Variants in TAB2 observed in about 807,000 individuals in gnomAD.
TAB2 encodes the protein TGF-beta activated kinase 1 (MAP3K7) binding protein 2.
In TAB2, 3 loss-of-function variants were observed where a neutral mutation model predicts 65.0. The ratio of observed to expected loss-of-function variants is 0.05; its 90% CI spans 0.02 to 0.12. The LOEUF (loss-of-function observed/expected upper bound fraction) is 0.12. Ranked by LOEUF, TAB2 falls within the 10% of genes least tolerant of loss-of-function variation. TAB2 has a pLI of 1.00. For missense variants in TAB2, 623 were observed against 840.3 expected (o/e 0.74, Z 3.20); for synonymous variants, 298 against 285.1 (o/e 1.05, Z -0.46).
intron 1 of TAB2, among the ~76,000 whole-genome samples, chr6:149,224,114 A>G (rs1777216426): frequency 6.6e-6 from 1 of 152,212 alleles, no homozygotes; most frequent in South Asian, 2.1e-4. Context: ...CCAAAGTTCA[A>G]TATGCCTGGA....
At chr6:149,381,569 C>CT (rs557951574) in intron 3 of TAB2, among the ~76,000 whole-genome samples, 23,922 of 95,600 alleles carry the variant, frequency 0.25, 2,304 homozygotes, top group South Asian at 0.3. Flanking sequence ...CCCTCCTATT[C>CT]TTTTTTTTTT....
chr6:149,370,192 G>T, intron 2 of TAB2, 93 bp downstream of exon 2: 1 of 1,117,192 alleles, frequency 9.0e-7, no homozygotes, highest in Non-Finnish European at 1.3e-6. Flanking sequence ...CTTCTTGTTG[G>T]TGTTAGTGTA....
intron 2 of TAB2, among the ~76,000 whole-genome samples, chr6:149,371,178 A>G (rs1182666682): frequency 6.6e-6 from 1 of 151,576 alleles, no homozygotes; most frequent in Non-Finnish European, 1.5e-5. Flanking sequence ...TCTGTAATTT[A>G]TAATAATGAC....
At chr6:149,374,979 C>G (rs1386795926) in intron 2 of TAB2, among the ~76,000 whole-genome samples, 1 of 152,130 alleles carries the variant, frequency 6.6e-6, no homozygotes, top group Non-Finnish European at 1.5e-5. Flanking sequence ...TATTTAGATC[C>G]TGATTTAAAC....
chr6:149,403,293 CACATAT>C (rs1223506688), intron 6 of TAB2, among the ~76,000 whole-genome samples: 7 of 61,852 alleles, frequency 1.1e-4, no homozygotes, highest in African/African-American at 5.9e-4. Context: ...TACACACACA[CACATAT>C]ATATATATAT....
intron 1 of TAB2, among the ~76,000 whole-genome samples, chr6:149,323,278 G>A (rs925995283): frequency 1.3e-5 from 2 of 152,128 alleles, no homozygotes; most frequent in African/African-American, 4.8e-5. Context: ...AAATTGAGAG[G>A]AAGAAATCAA....
chr6:149,286,377 G>A (rs9498286), intron 1 of TAB2, among the ~76,000 whole-genome samples: 30,480 of 152,102 alleles, frequency 0.2, 3,269 homozygotes, highest in East Asian at 0.43. Flanking sequence ...CTAGGTTACT[G>A]GTAATACTTG....
rs1042945769 is a variant in TAB2 at position 149,311,557 on chromosome 6, A to G, written c.-120-66461A>G. On this transcript the variant is annotated intron_variant, in intron 1 of 1. Transcript: ENST00000606202. ...CTATTCAAAGCCCCACTGTTCATTT[A>G]CTAGTTGTTTTAGATTATGTAAGTC... 2.6e-5 allele frequency among the ~76,000 whole-genome samples: 4 copies of G among 152,334 alleles called. No homozygotes were observed. In the East Asian group the frequency reaches 5.8e-4, roughly 22 times the overall value.
chr6:149,296,717 T>A (rs902112418), intron 1 of TAB2, among the ~76,000 whole-genome samples: 1 of 152,180 alleles, frequency 6.6e-6, no homozygotes, highest in Non-Finnish European at 1.5e-5. Context: ...AGGACTTCTT[T>A]CATTAAATTC....
intron 1 of TAB2, among the ~76,000 whole-genome samples, chr6:149,275,242 A>AAGAG (rs1778441750): frequency 8.1e-5 from 7 of 86,192 alleles, no homozygotes; most frequent in East Asian, 3.3e-4. Flanking sequence ...GAGAGAAAGA[A>AAGAG]AGAAAGAAAG....
chr6:149,341,219 C>G (rs1337451402), intron 1 of TAB2, among the ~76,000 whole-genome samples: 5 of 151,990 alleles, frequency 3.3e-5, no homozygotes, highest in Non-Finnish European at 7.4e-5. Context: ...TTTTTATATC[C>G]TAAATATAAA....
At chr6:149,316,744 A>T (rs987770912), upstream of TAB2, among the ~76,000 whole-genome samples, 3 of 152,182 alleles carry the variant, frequency 2.0e-5, no homozygotes, top group Admixed American at 6.5e-5. Flanking sequence ...ACTTCTAGGA[A>T]CGTGCAATTA....
intron 1 of TAB2, among the ~76,000 whole-genome samples, chr6:149,329,418 T>C (rs952935069): frequency 7.2e-5 from 11 of 152,222 alleles, no homozygotes; most frequent in Admixed American, 3.9e-4. Flanking sequence ...TGTTCACCAT[T>C]ACAGAACAGA....
intron 1 of TAB2, among the ~76,000 whole-genome samples, chr6:149,254,140 GAAAGGAAAGA>G (rs1269133994): frequency 1.3e-5 from 2 of 150,164 alleles, no homozygotes; most frequent in African/African-American, 4.9e-5. Flanking sequence ...GAAAGGAAAG[GAAAGGAAAGA>G]AAAGGAAAGG....
chr6:149,280,077 G>C (rs532437392), intron 1 of TAB2, among the ~76,000 whole-genome samples: 3 of 152,204 alleles, frequency 2.0e-5, no homozygotes, highest in African/African-American at 7.2e-5. Flanking sequence ...TACTTCCTAA[G>C]TTAATATCTG....
chr6:149,384,407 A>G (rs562354012), intron 3 of TAB2, among the ~76,000 whole-genome samples: 16 of 152,214 alleles, frequency 1.1e-4, no homozygotes, highest in Non-Finnish European at 2.1e-4. Flanking sequence ...TGAAACATCA[A>G]GACCCCACTC....
In TAB2 at chr6:149,293,814, C is replaced by A. The variant is rs539866835; in HGVS notation, c.-121+75038C>A. On this transcript the variant is annotated intron_variant, in intron 1 of 1. Coordinates refer to the TAB2 transcript ENST00000606202. ...CATCATCTGATAATATGAAAAGAACCATCATAGAAGCAGCTATTCTGCTAT... is the reference window on the plus strand; with the variant it reads ...CATCATCTGATAATATGAAAAGAACAATCATAGAAGCAGCTATTCTGCTAT... 3.9e-5 allele frequency among the ~76,000 whole-genome samples: 6 copies of A among 152,120 alleles called. No individual in the cohort carries two copies. In the South Asian group the frequency reaches 1.2e-3, roughly 32 times the overall value.
At chr6:149,221,127 G>A (rs772430762) in intron 1 of TAB2, 1 of 152,160 alleles carries the variant, frequency 6.6e-6, no homozygotes, top group African/African-American at 2.4e-5. Flanking sequence ...AAAGCAGCAC[G>A]TTTAGCTCAC....
intron 1 of TAB2, among the ~76,000 whole-genome samples, chr6:149,272,037 T>A (rs1011482953): frequency 1.3e-5 from 2 of 151,378 alleles, no homozygotes; most frequent in African/African-American, 2.4e-5. Flanking sequence ...TAAGAGGAAG[T>A]CATTGAGTAA....
Sources: gnomAD v4.1 joint callset for allele counts (sites outside exome capture counted in the v4.1 genomes callset) on GRCh38, gnomAD v4.1.1 for gene constraint, MANE v1.5 for transcripts, NCBI Gene and HGNC (gene_info 2026-07-23, HGNC 2026-07-21) for gene names.